Variants in INPP4B observed in about 807,000 individuals in gnomAD.
INPP4B encodes inositol polyphosphate 4-phosphatase type II.
INPP4B carries 55 observed loss-of-function variants against 122.5 expected under a neutral mutation model. That is an observed-to-expected ratio of 0.45 (90% confidence interval 0.36 to 0.56). INPP4B has a LOEUF of 0.56. Ranked by LOEUF, INPP4B falls within the 20% of genes least tolerant of loss-of-function variation. The probability of loss-of-function intolerance (pLI) is 0.00; values close to 1 mark genes in which losing one functional copy is unlikely to be tolerated. For synonymous variants in INPP4B, 403 were observed against 388.7 expected, an observed-to-expected ratio of 1.04 and a Z score of -0.43; for missense variants, 1,000 against 1,097.7, an observed-to-expected ratio of 0.91 and a Z score of 1.26.
At chr4:142,814,919 T>C (rs1356889965) in intron 1 of INPP4B, among the ~76,000 whole-genome samples, 2 of 152,020 alleles carry the variant, frequency 1.3e-5, no homozygotes, top group African/African-American at 2.4e-5. Context: ...TCGAGTCCAA[T>C]GTGGAAAAGA....
chr4:142,486,960 T>C (rs1821274793), intron 2 of INPP4B, among the ~76,000 whole-genome samples: 1 of 152,176 alleles, frequency 6.6e-6, no homozygotes, highest in Non-Finnish European at 1.5e-5. Context: ...TTACGTGGTA[T>C]GGTTTGGCTC....
intron 1 of INPP4B, among the ~76,000 whole-genome samples, chr4:142,755,490 G>T (rs1439792862): frequency 6.6e-6 from 1 of 151,662 alleles, no homozygotes; most frequent in Non-Finnish European, 1.5e-5. Context: ...CTATAATTTT[G>T]ATTCCTTTTA....
chr4:142,221,105 T>C (rs1579333311), intron 12 of INPP4B, among the ~76,000 whole-genome samples: 1 of 151,980 alleles, frequency 6.6e-6, no homozygotes, highest in African/African-American at 2.4e-5. Flanking sequence ...CTATTAGAAA[T>C]GTAACACAAT....
At chr4:142,527,764 A>AT (rs1162966666) in intron 2 of INPP4B, among the ~76,000 whole-genome samples, 1 of 151,940 alleles carries the variant, frequency 6.6e-6, no homozygotes, top group Admixed American at 6.6e-5. Context: ...GGGTCCTAGA[A>AT]TTTTTTTCAG....
At chr4:142,275,347 ACT>A (rs1300085146) in intron 9 of INPP4B, among the ~76,000 whole-genome samples, 1 of 151,824 alleles carries the variant, frequency 6.6e-6, no homozygotes, top group African/African-American at 2.4e-5. Flanking sequence ...CCAAAAAATG[ACT>A]CTGTAAACAC....
At chr4:142,424,863 A>G (rs557971100) in intron 5 of INPP4B, among the ~76,000 whole-genome samples, 1 of 152,138 alleles carries the variant, frequency 6.6e-6, no homozygotes, top group Non-Finnish European at 1.5e-5. Flanking sequence ...TTCTAGATAT[A>G]ATTGTGATGT....
intron 14 of INPP4B, among the ~76,000 whole-genome samples, chr4:142,197,704 A>C (rs1214487292): frequency 6.6e-6 from 1 of 152,156 alleles, no homozygotes; most frequent in Non-Finnish European, 1.5e-5. Context: ...AACAGCTGGC[A>C]TTTACTCAGC....
intron 7 of INPP4B, among the ~76,000 whole-genome samples, chr4:142,380,333 C>G (rs991223403): frequency 2.0e-5 from 3 of 152,152 alleles, no homozygotes; most frequent in Admixed American, 6.6e-5. Flanking sequence ...TCCGACCCAC[C>G]TTGGTAATAT....
At chr4:142,346,754 A>G (rs527593237) in intron 7 of INPP4B, among the ~76,000 whole-genome samples, 21 of 152,208 alleles carry the variant, frequency 1.4e-4, no homozygotes, top group Admixed American at 1.4e-3. Flanking sequence ...AGATAACTGA[A>G]ATGTTTGGTA....
At position 142,593,104 on chromosome 4, in the gene INPP4B, TAA is replaced by T. The variant is rs70949176; in HGVS notation, c.-190-130380_-190-130379del. Among the ~76,000 whole-genome samples the T allele has an allele frequency of 2.6e-3, 367 of 143,146 alleles. 2 individuals are homozygous for T. Among genetic ancestry groups the T allele is most frequent in the African/African-American group, 8.0e-3 (310 of 38,874 alleles). The allele number at this position is 143,146 out of a possible 152,430, so 93.9% of individuals were successfully genotyped here. On this transcript the variant is annotated intron_variant, in intron 2 of 25. Transcript: ENST00000262992. ...GGGTGATACAGTGAGATCCTGTTTT[TAA>T]AAAAAAAAAAAAATGGTAGTGTAAA...
intron 2 of INPP4B, among the ~76,000 whole-genome samples, chr4:142,611,637 C>CTTTTTTTTTTTT (rs34482115): frequency 1.1e-4 from 7 of 65,234 alleles, no homozygotes; most frequent in South Asian, 7.6e-4. Context: ...TTTCTTTTTT[C>CTTTTTTTTTTTT]TTTTTTTTTT....
chr4:142,178,737 T>C (rs1156900330), intron 15 of INPP4B, among the ~76,000 whole-genome samples: 4 of 150,348 alleles, frequency 2.7e-5, no homozygotes, highest in Non-Finnish European at 4.4e-5. Flanking sequence ...TGACTTAGAG[T>C]GGTGTGTCTC....
chr4:142,291,419 G>A (rs1756420262), intron 9 of INPP4B, among the ~76,000 whole-genome samples: 1 of 152,172 alleles, frequency 6.6e-6, no homozygotes, highest in South Asian at 2.1e-4. Flanking sequence ...TCCAGTCCCA[G>A]CTGACATTAT....
At chr4:142,672,334 T>C (rs1219632762) in intron 2 of INPP4B, among the ~76,000 whole-genome samples, 1 of 152,190 alleles carries the variant, frequency 6.6e-6, no homozygotes, top group Non-Finnish European at 1.5e-5. Context: ...TGAAAGTGGC[T>C]CTTCCATCTG....
At chr4:142,604,680 A>T (rs1401980395) in intron 2 of INPP4B, among the ~76,000 whole-genome samples, 1 of 152,076 alleles carries the variant, frequency 6.6e-6, no homozygotes, top group Non-Finnish European at 1.5e-5. Context: ...AAATGTCTCT[A>T]CAAGGAGAAC....
At chr4:142,160,661 G>T in intron 16 of INPP4B, 100 bp from the exon 17 acceptor site, 1 of 775,938 alleles carries the variant, frequency 1.3e-6, no homozygotes, top group Non-Finnish European at 2.0e-6. Flanking sequence ...TAAGTGGTGT[G>T]TATGGTGGAA....
chr4:142,353,013 A>G (rs1782395848), intron 7 of INPP4B, among the ~76,000 whole-genome samples: 1 of 152,018 alleles, frequency 6.6e-6, no homozygotes, highest in Admixed American at 6.6e-5. Context: ...GATTATCTGT[A>G]TTTTGGAACA....
chr4:142,438,790 G>T (rs1426020518), intron 3 of INPP4B, among the ~76,000 whole-genome samples: 2 of 152,052 alleles, frequency 1.3e-5, no homozygotes, highest in Non-Finnish European at 2.9e-5. Context: ...GAAAATTTTT[G>T]CAATCTACCC....
At chr4:142,587,832 C>A (rs1168943778) in intron 2 of INPP4B, among the ~76,000 whole-genome samples, 1 of 151,974 alleles carries the variant, frequency 6.6e-6, no homozygotes. Context: ...TCCTCTTATT[C>A]TATTATGACA....
Sources: allele counts gnomAD v4.1 joint callset (sites outside exome capture counted in the v4.1 genomes callset), GRCh38; gene constraint gnomAD v4.1.1; transcripts MANE v1.5; gene names NCBI Gene and HGNC (gene_info 2026-07-23, HGNC 2026-07-21).